Variants in DPP10 observed in about 807,000 individuals in gnomAD.
DPP10 encodes the protein inactive dipeptidyl peptidase 10.
Under a neutral mutation model 120.9 loss-of-function variants are expected in DPP10, and 33 were observed. The ratio of observed to expected loss-of-function variants is 0.27; its 90% CI spans 0.21 to 0.37. DPP10 has a LOEUF of 0.37. Ranked by LOEUF, DPP10 falls within the 10% of genes least tolerant of loss-of-function variation. DPP10 has a pLI of 1.00. For missense variants in DPP10, 816 were observed against 942.8 expected (o/e 0.87, Z 1.76); for synonymous variants, 337 against 326.1 (o/e 1.03, Z -0.36).
chr2:115,294,581 AAATTT>A, intron 1 of DPP10, among the ~76,000 whole-genome samples: 1 of 152,126 alleles, frequency 6.6e-6, no homozygotes, highest in East Asian at 1.9e-4. Flanking sequence ...AAGAGTTCTT[AAATTT>A]ATCTTCAAAA....
At chr2:114,990,025 G>C (rs1700666241) in intron 1 of DPP10, among the ~76,000 whole-genome samples, 1 of 152,134 alleles carries the variant, frequency 6.6e-6, no homozygotes, top group Non-Finnish European at 1.5e-5. Flanking sequence ...GTGTTTTCCT[G>C]ATATTTGTTT....
At chr2:114,901,597 G>A (rs911182755) in intron 1 of DPP10, among the ~76,000 whole-genome samples, 3 of 152,158 alleles carry the variant, frequency 2.0e-5, no homozygotes, top group African/African-American at 7.2e-5. Context: ...ACTTTATTTT[G>A]TTCATGTCCT....
At chr2:115,652,641 A>G (rs902412277) in intron 5 of DPP10, among the ~76,000 whole-genome samples, 2 of 151,894 alleles carry the variant, frequency 1.3e-5, no homozygotes, top group African/African-American at 4.8e-5. Flanking sequence ...CAATGATTTA[A>G]GTTTATAGAC....
chr2:115,138,617 A>G (rs1217375985), intron 1 of DPP10, among the ~76,000 whole-genome samples: 1 of 152,218 alleles, frequency 6.6e-6, no homozygotes, highest in Non-Finnish European at 1.5e-5. Context: ...TATGAGTGAG[A>G]ATGATTACTA....
At chr2:114,816,952 C>T (rs576725060) in intron 1 of DPP10, among the ~76,000 whole-genome samples, 12 of 152,150 alleles carry the variant, frequency 7.9e-5, no homozygotes, top group African/African-American at 2.9e-4. Context: ...TTGTTGTCTG[C>T]GCATGATATA....
chr2:115,476,291 T>C (rs2075073358), intron 3 of DPP10, among the ~76,000 whole-genome samples: 1 of 152,138 alleles, frequency 6.6e-6, no homozygotes, highest in Non-Finnish European at 1.5e-5. Context: ...GTGGTACCTC[T>C]CCACTTTCCC....
At chr2:114,470,339 A>G (rs1573421105) in intron 1 of DPP10, among the ~76,000 whole-genome samples, 1 of 152,234 alleles carries the variant, frequency 6.6e-6, no homozygotes, top group South Asian at 2.1e-4. Flanking sequence ...AAAAGCATCA[A>G]GGGTTTCTGG....
intron 1 of DPP10, among the ~76,000 whole-genome samples, chr2:115,117,315 C>T (rs539375361): frequency 5.9e-5 from 9 of 152,294 alleles, no homozygotes; most frequent in Admixed American, 2.0e-4. Flanking sequence ...AATGTTCTGC[C>T]TGCTACCATG....
chr2:114,725,559 T>C (rs759651160), intron 1 of DPP10, among the ~76,000 whole-genome samples: 2 of 152,230 alleles, frequency 1.3e-5, no homozygotes, highest in Non-Finnish European at 2.9e-5. Context: ...TCAGAGCTTC[T>C]CTCCAGTGCA....
At chr2:115,504,663 A>C (rs1041578431) in intron 4 of DPP10, among the ~76,000 whole-genome samples, 1 of 152,180 alleles carries the variant, frequency 6.6e-6, no homozygotes, top group Non-Finnish European at 1.5e-5. Flanking sequence ...AAATGGAATA[A>C]TACATGTTTC....
At chr2:115,656,238 A>G (rs1024504197) in intron 5 of DPP10, among the ~76,000 whole-genome samples, 34 of 151,560 alleles carry the variant, frequency 2.2e-4, no homozygotes, top group African/African-American at 7.7e-4. Context: ...CAAATTGTAT[A>G]TATTTAATAT....
At chr2:114,682,184 C>T (rs1699069179) in intron 1 of DPP10, among the ~76,000 whole-genome samples, 1 of 151,996 alleles carries the variant, frequency 6.6e-6, no homozygotes, top group South Asian at 2.1e-4. Context: ...CTTGCTCTCT[C>T]TCCCCATCCT....
intron 1 of DPP10, among the ~76,000 whole-genome samples, chr2:115,113,181 A>T (rs538142755): frequency 0.056 from 1 of 18 alleles, no homozygotes; most frequent in Admixed American, 0.5. Context: ...TATATAACAC[A>T]TACAATATAT....
chr2:114,797,316 G>A (rs1683801702), intron 1 of DPP10, among the ~76,000 whole-genome samples: 1 of 152,124 alleles, frequency 6.6e-6, no homozygotes, highest in South Asian at 2.1e-4. Flanking sequence ...TGTGAGGCGT[G>A]TGATGTATTG....
At chr2:114,999,908 T>C (rs1167900951) in intron 1 of DPP10, among the ~76,000 whole-genome samples, 1 of 152,222 alleles carries the variant, frequency 6.6e-6, no homozygotes, top group Non-Finnish European at 1.5e-5. Context: ...GATCACCCTT[T>C]AGAACTATAT....
intron 1 of DPP10, among the ~76,000 whole-genome samples, chr2:114,916,638 G>T (rs1394353027): frequency 6.6e-6 from 1 of 152,118 alleles, no homozygotes. Context: ...GGTCAAGTAG[G>T]CTTTATTCCT....
At chr2:115,485,765 T>A (rs2075740824) in intron 3 of DPP10, among the ~76,000 whole-genome samples, 1 of 152,158 alleles carries the variant, frequency 6.6e-6, no homozygotes, top group Non-Finnish European at 1.5e-5. Flanking sequence ...TCTTCAATAC[T>A]ACTCTATGCA....
intron 1 of DPP10, among the ~76,000 whole-genome samples, chr2:114,556,069 AT>A (rs1688270054): frequency 6.6e-6 from 1 of 151,806 alleles, no homozygotes; most frequent in Admixed American, 6.6e-5. Flanking sequence ...GAGAGATCTG[AT>A]TTAAGGTTTA....
chr2:114,480,520 G>A (rs1305941563), intron 1 of DPP10, among the ~76,000 whole-genome samples: 2 of 151,884 alleles, frequency 1.3e-5, no homozygotes, highest in African/African-American at 4.9e-5. Flanking sequence ...GGAATACTAT[G>A]CAGCCATAAA....
Sources: allele counts gnomAD v4.1 joint callset (sites outside exome capture counted in the v4.1 genomes callset), GRCh38; gene constraint gnomAD v4.1.1; transcripts MANE v1.5; gene names NCBI Gene and HGNC (gene_info 2026-07-23, HGNC 2026-07-21).